The following PRKCB variants were observed in gnomAD, a reference collection of about 807,000 sequenced individuals.
PRKCB encodes the protein protein kinase C beta, also known as protein kinase C beta type.
A neutral mutation model predicts 81.5 loss-of-function variants in PRKCB; 13 were observed. The ratio of observed to expected loss-of-function variants is 0.16; its 90% CI spans 0.10 to 0.25. The LOEUF is 0.25. PRKCB is among the 10% of genes least tolerant of loss of function. The pLI is 1.00. For missense variants in PRKCB, 509 were observed against 875.7 expected, an observed-to-expected ratio of 0.58 and a Z score of 5.29; for synonymous variants, 335 against 321.4, an observed-to-expected ratio of 1.04 and a Z score of -0.45.
chr16:24,037,241 G>A (rs1213117133), intron 5 of PRKCB, among the ~76,000 whole-genome samples: 2 of 152,084 alleles, frequency 1.3e-5, no homozygotes, highest in Non-Finnish European at 1.5e-5. Flanking sequence ...CGCCCATCTC[G>A]GCCTCCCAAA....
intron 16 of PRKCB, among the ~76,000 whole-genome samples, chr16:24,197,379 G>A (rs1204681913): frequency 1.3e-5 from 2 of 152,062 alleles, no homozygotes; most frequent in South Asian, 2.1e-4. Flanking sequence ...ATCTGGGTGA[G>A]GGGGGAGAGT....
At chr16:23,866,670 T>G (rs1962795489) in intron 2 of PRKCB, among the ~76,000 whole-genome samples, 1 of 152,214 alleles carries the variant, frequency 6.6e-6, no homozygotes, top group Non-Finnish European at 1.5e-5. Flanking sequence ...CTCATCAATA[T>G]GCAAGTGTTT....
intron 2 of PRKCB, among the ~76,000 whole-genome samples, chr16:23,900,147 C>T (rs994176938): frequency 6.6e-6 from 1 of 152,142 alleles, no homozygotes; most frequent in East Asian, 1.9e-4. Context: ...AGGGATGCTA[C>T]TGAACAAAAT....
chr16:24,184,582 T>C (rs1967675005), intron 13 of PRKCB, among the ~76,000 whole-genome samples: 1 of 152,176 alleles, frequency 6.6e-6, no homozygotes, highest in Non-Finnish European at 1.5e-5. Flanking sequence ...GTAGACCAAA[T>C]ATTAGTCATA....
At chr16:23,970,332 A>T (rs1964540608) in intron 2 of PRKCB, among the ~76,000 whole-genome samples, 1 of 152,182 alleles carries the variant, frequency 6.6e-6, no homozygotes, top group South Asian at 2.1e-4. Context: ...CAGCCAGTGG[A>T]GTGGGCGGTT....
In PRKCB at chr16:23,875,522, CATAT is replaced by C. The variant is rs1161506273; in HGVS notation, c.205+38117_205+38120del. Among the ~76,000 whole-genome samples, 7 of 100,982 alleles carry C rather than the reference CATAT, an allele frequency of 6.9e-5. 1 individual carries two copies. The highest frequency in any genetic ancestry group is 9.3e-5 in the African/African-American group (3 of 32,106). 66.2% of individuals were successfully genotyped at this position (100,982 alleles called of 152,430 possible). A position where few individuals can be genotyped will look rare whatever the true frequency, so the allele number is the denominator to read the frequency against. ...ATATATATATGATGTATATCACACACATATGTGTATATCACACACATATGTATGT... is the reference window on the plus strand; with the variant it reads ...ATATATATATGATGTATATCACACACGTGTATATCACACACATATGTATGT... On this transcript the variant is annotated intron_variant, in intron 2 of 16. Transcript: ENST00000643927.
At chr16:23,967,994 T>G (rs1964510683) in intron 2 of PRKCB, among the ~76,000 whole-genome samples, 1 of 152,198 alleles carries the variant, frequency 6.6e-6, no homozygotes, top group South Asian at 2.1e-4. Context: ...AATTTACATG[T>G]GGTTGCCTCT....
chr16:23,933,632 C>CCATA (rs1201804185), intron 2 of PRKCB, among the ~76,000 whole-genome samples: 3 of 142,854 alleles, frequency 2.1e-5, no homozygotes, highest in Non-Finnish European at 3.1e-5. Flanking sequence ...GAACTGATAT[C>CCATA]CATCCATCCA....
intron 3 of PRKCB, among the ~76,000 whole-genome samples, chr16:23,989,046 C>T (rs544123628): frequency 1.4e-4 from 22 of 152,160 alleles, no homozygotes; most frequent in Non-Finnish European, 2.6e-4. Flanking sequence ...CTGCAAGCTC[C>T]GCCTCCTGGG....
intron 2 of PRKCB, among the ~76,000 whole-genome samples, chr16:23,883,773 A>G (rs1019028119): frequency 6.6e-6 from 1 of 152,210 alleles, no homozygotes; most frequent in Non-Finnish European, 1.5e-5. Flanking sequence ...TACACTTTAC[A>G]TATGACGTCT....
rs57202997 is a variant in PRKCB, at chr16:24,080,074, C to T, written c.530-12717C>T. 7.4e-3 allele frequency among the ~76,000 whole-genome samples: 1,127 copies of T among 151,994 alleles called. 15 individuals carry two copies. Among genetic ancestry groups the T allele is most frequent in the African/African-American group, 0.025 (1,048 of 41,438 alleles). Reference sequence around the variant, plus strand: ...GAAAGATTTTTGTTTGAAGAGTGTGCGATCGGTTTCTAGCTTTTGAAAGAT... The same window carrying T: ...GAAAGATTTTTGTTTGAAGAGTGTGTGATCGGTTTCTAGCTTTTGAAAGAT... On this transcript the variant is annotated intron_variant, in intron 5 of 16. Coordinates refer to ENST00000643927, the MANE Select transcript of PRKCB (RefSeq NM_002738.7).
At chr16:24,168,148 A>G (rs980483192) in intron 10 of PRKCB, among the ~76,000 whole-genome samples, 2 of 152,300 alleles carry the variant, frequency 1.3e-5, no homozygotes, top group East Asian at 1.9e-4. Context: ...GGCCAGCATC[A>G]TGTTAGACAC....
At chr16:23,867,894 CTT>C (rs1962834720) in intron 2 of PRKCB, among the ~76,000 whole-genome samples, 1 of 152,160 alleles carries the variant, frequency 6.6e-6, no homozygotes, top group Admixed American at 6.5e-5. Context: ...AGAGAGAAGT[CTT>C]TAATTATTCA....
At chr16:24,204,482 CA>C (rs1968013096) in intron 16 of PRKCB, among the ~76,000 whole-genome samples, 1 of 152,128 alleles carries the variant, frequency 6.6e-6, no homozygotes, top group Non-Finnish European at 1.5e-5. Context: ...GCCTATCTCA[CA>C]GCCTTGTGGG....
intron 5 of PRKCB, among the ~76,000 whole-genome samples, chr16:24,048,121 C>T (rs1965791194): frequency 1.3e-5 from 2 of 152,230 alleles, no homozygotes; most frequent in African/African-American, 4.8e-5. Context: ...TCTGCTTTAC[C>T]ACTACCAACA....
intron 2 of PRKCB, among the ~76,000 whole-genome samples, chr16:23,917,803 G>A (rs1963764848): frequency 6.6e-6 from 1 of 152,220 alleles, no homozygotes; most frequent in African/African-American, 2.4e-5. Flanking sequence ...CAAGACATTA[G>A]TGGGTATCAG....
At chr16:24,186,165 A>G (rs996961348) in intron 15 of PRKCB, among the ~76,000 whole-genome samples, 20 of 152,058 alleles carry the variant, frequency 1.3e-4, no homozygotes, top group African/African-American at 4.3e-4. Context: ...AGAAAGCAGG[A>G]TGTGTGTTTA....
chr16:23,940,231 C>G (rs1234433563), intron 2 of PRKCB, among the ~76,000 whole-genome samples: 1 of 152,072 alleles, frequency 6.6e-6, no homozygotes, highest in Non-Finnish European at 1.5e-5. Context: ...ACAACTAGAT[C>G]ACCCACACAT....
At chr16:23,886,633 G>C (rs555988508) in intron 2 of PRKCB, among the ~76,000 whole-genome samples, 2 of 152,032 alleles carry the variant, frequency 1.3e-5, no homozygotes, top group East Asian at 3.9e-4. Flanking sequence ...GGCTGGTCTC[G>C]AACTCCTGAC....
Sources: allele counts gnomAD v4.1 joint callset (sites outside exome capture counted in the v4.1 genomes callset), GRCh38; gene constraint gnomAD v4.1.1; transcripts MANE v1.5; gene names NCBI Gene and HGNC (gene_info 2026-07-23, HGNC 2026-07-21).